Variants in SPATA16 observed in about 807,000 individuals in gnomAD.
SPATA16 encodes the protein spermatogenesis-associated protein 16.
SPATA16 carries 36 observed loss-of-function variants against 63.3 expected under a neutral mutation model. That is an observed-to-expected ratio of 0.57 (90% CI 0.44 to 0.75). The LOEUF is 0.75. Among genes scored for constraint, SPATA16 ranks in the 30% least tolerant of loss-of-function variants. The pLI, the probability that SPATA16 is intolerant of heterozygous loss-of-function variation, is 0.00. For missense variants in SPATA16, 646 were observed against 679.3 expected (o/e 0.95, Z 0.54); for synonymous variants, 203 against 216.7 (o/e 0.94, Z 0.56).
intron 2 of SPATA16, among the ~76,000 whole-genome samples, chr3:173,067,020 C>CT (rs139722674): frequency 0.24 from 36,132 of 151,754 alleles, 5,830 homozygotes; most frequent in African/African-American, 0.47. Context: ...AATTGACAAA[C>CT]TGATAAATGC....
At chr3:173,037,233 A>G (rs181058411) in intron 3 of SPATA16, among the ~76,000 whole-genome samples, 1 of 152,090 alleles carries the variant, frequency 6.6e-6, no homozygotes, top group East Asian at 1.9e-4. Context: ...CTAAGACTAA[A>G]ATACCCTCTC....
chr3:172,946,661 A>G (rs1013068174), intron 6 of SPATA16, among the ~76,000 whole-genome samples: 12 of 152,192 alleles, frequency 7.9e-5, no homozygotes, highest in African/African-American at 2.9e-4. Flanking sequence ...CTTGGGTGCC[A>G]GCTCAGCCAC....
intron 8 of SPATA16, among the ~76,000 whole-genome samples, chr3:172,918,974 T>C (rs1418978145): frequency 6.6e-6 from 1 of 152,224 alleles, no homozygotes; most frequent in Non-Finnish European, 1.5e-5. Context: ...TGGCATAAGA[T>C]ACAGAAACAT....
At chr3:172,961,967 G>T (rs1055981375) in intron 5 of SPATA16, among the ~76,000 whole-genome samples, 1 of 151,920 alleles carries the variant, frequency 6.6e-6, no homozygotes, top group Admixed American at 6.6e-5. Flanking sequence ...TAAGAAAGAG[G>T]ACTCAGCCAG....
In SPATA16 at chr3:172,935,458, A is replaced by C. The variant is rs1489255418; in HGVS notation, c.1082-9966T>G. On this transcript the variant is annotated intron_variant, in intron 6 of 10. Coordinates refer to ENST00000351008, the MANE Select transcript of SPATA16 (RefSeq NM_031955.6). ...TAATAGAAAAAACATAAAATATTAG[A>C]AATAAGCTTAGTAAGATATATAATT... Among the ~76,000 whole-genome samples the C allele has an allele frequency of 7.9e-5, 12 of 152,266 alleles. 1 individual carries two copies. Among genetic ancestry groups the C allele is most frequent in the Admixed American group, 7.8e-4 (12 of 15,290 alleles).
intron 2 of SPATA16, among the ~76,000 whole-genome samples, chr3:173,049,855 C>T (rs891653033): frequency 4.6e-5 from 7 of 151,932 alleles, no homozygotes; most frequent in Admixed American, 6.6e-5. Flanking sequence ...AAGGGAAGAT[C>T]GGCACTTTTT....
chr3:172,961,016 T>C lies in SPATA16; in HGVS notation c.934-4192A>G, dbSNP rs1560080163. Among the ~76,000 whole-genome samples, 46 of 125,832 alleles carry C rather than the reference T, an allele frequency of 3.7e-4. 1 individual carries two copies. Among genetic ancestry groups the C allele is most frequent in the Non-Finnish European group, 6.3e-4 (38 of 60,524 alleles). 82.6% of individuals were successfully genotyped at this position (125,832 alleles called of 152,430 possible). ...TTTTTCTTTCTCTTTCTTTCTTTCT[T>C]TTTCTCTCTTTCTCTCTTTCTTTCT... is the stretch of plus-strand genomic sequence containing the variant. On this transcript the variant is annotated intron_variant, in intron 5 of 10. Coordinates refer to ENST00000351008, the MANE Select transcript of SPATA16 (RefSeq NM_031955.6).
chr3:173,004,506 C>A (rs1036511086), intron 4 of SPATA16, among the ~76,000 whole-genome samples: 1 of 151,670 alleles, frequency 6.6e-6, no homozygotes, highest in African/African-American at 2.4e-5. Flanking sequence ...TTAAATCAGC[C>A]AGAGTCTTGA....
At chr3:173,007,981 T>C (rs976515790) in intron 4 of SPATA16, among the ~76,000 whole-genome samples, 2 of 152,184 alleles carry the variant, frequency 1.3e-5, no homozygotes, top group Admixed American at 6.5e-5. Flanking sequence ...TGAATACATA[T>C]TCATATGTAC....
chr3:172,937,123 T>C (rs1202083715), intron 6 of SPATA16, among the ~76,000 whole-genome samples: 1 of 152,052 alleles, frequency 6.6e-6, no homozygotes, highest in Non-Finnish European at 1.5e-5. Context: ...GAAATAGTGA[T>C]GTGGAAAACC....
chr3:173,019,271 A>T (rs113054954), intron 4 of SPATA16, among the ~76,000 whole-genome samples: 2 of 152,172 alleles, frequency 1.3e-5, no homozygotes, highest in Non-Finnish European at 2.9e-5. Context: ...TCATGGCTGG[A>T]AAGTTTGAAT....
intron 8 of SPATA16, among the ~76,000 whole-genome samples, chr3:172,921,892 G>C (rs982211192): frequency 6.6e-6 from 1 of 152,148 alleles, no homozygotes; most frequent in Non-Finnish European, 1.5e-5. Context: ...ATGGCCTTGG[G>C]CAAAAGTCTT....
At chr3:173,027,939 T>C (rs931794433) in intron 3 of SPATA16, among the ~76,000 whole-genome samples, 1 of 150,964 alleles carries the variant, frequency 6.6e-6, no homozygotes, top group African/African-American at 2.4e-5. Context: ...TTTAGCTTTA[T>C]ATGAGACTAG....
At chr3:173,104,298 C>T (rs1437315801) in intron 2 of SPATA16, among the ~76,000 whole-genome samples, 1 of 152,344 alleles carries the variant, frequency 6.6e-6, no homozygotes, top group Admixed American at 6.5e-5. Context: ...GTTCCAAAGT[C>T]GCTTCCACAA....
chr3:172,957,897 T>G (rs1235571245), intron 5 of SPATA16, among the ~76,000 whole-genome samples: 3 of 152,328 alleles, frequency 2.0e-5, no homozygotes, highest in African/African-American at 7.2e-5. Flanking sequence ...CATTTCTTAG[T>G]GACTTCAAAT....
chr3:172,916,327 T>A lies in SPATA16; in HGVS notation c.1493A>T (p.Glu498Val). The A allele has an allele frequency of 6.2e-7, 1 of 1,613,342 alleles. No individual in the cohort carries two copies. Among genetic ancestry groups the A allele is most frequent in the Non-Finnish European group, 8.5e-7 (1 of 1,179,466 alleles). ...AAGAAAAATACTTACCAATTCTGCC[T>A]CCTGTTGACTGATGTCCTGTAGGTA... ...IPYLQDISQQ[E>V]AELLQSLMAD... The change falls in exon 9 of 11, where the codon GAG becomes GTG. Residue 498 changes from glutamate to valine, a missense_variant. By Grantham distance (121) the Glu-to-Val change is moderately radical. Coordinates refer to ENST00000351008, the MANE Select transcript of SPATA16 (RefSeq NM_031955.6).
At chr3:173,024,001 T>G (rs1735396025) in intron 3 of SPATA16, among the ~76,000 whole-genome samples, 1 of 151,278 alleles carries the variant, frequency 6.6e-6, no homozygotes, top group South Asian at 2.1e-4. Flanking sequence ...GAAATCTTGA[T>G]TCCCACCTCA....
intron 4 of SPATA16, among the ~76,000 whole-genome samples, chr3:172,991,045 C>G (rs1734564749): frequency 6.6e-6 from 1 of 152,108 alleles, no homozygotes; most frequent in African/African-American, 2.4e-5. Context: ...GACTGTGATG[C>G]CCACACTCTT....
At chr3:172,997,772 C>A (rs1022245375) in intron 4 of SPATA16, among the ~76,000 whole-genome samples, 1 of 151,970 alleles carries the variant, frequency 6.6e-6, no homozygotes, top group African/African-American at 2.4e-5. Flanking sequence ...GACAATTTTT[C>A]GTAAAGGATG....
Sources: allele counts gnomAD v4.1 joint callset (sites outside exome capture counted in the v4.1 genomes callset), GRCh38; gene constraint gnomAD v4.1.1; transcripts MANE v1.5; gene names NCBI Gene and HGNC (gene_info 2026-07-23, HGNC 2026-07-21).